Variants in AGPAT5 observed in about 807,000 individuals in gnomAD.
The protein encoded by AGPAT5 is 1-acyl-sn-glycerol-3-phosphate acyltransferase epsilon.
Under a neutral mutation model 45.6 loss-of-function variants are expected in AGPAT5, and 46 were observed. The ratio of observed to expected loss-of-function variants is 1.01; its 90% CI spans 0.80 to 1.29. The LOEUF (loss-of-function observed/expected upper bound fraction) is 1.29, where lower values mean the gene tolerates loss of function less well. Ranked by LOEUF, AGPAT5 falls within the 50% of genes most tolerant of loss-of-function variation. The probability of loss-of-function intolerance (pLI) is 0.00; values close to 1 mark genes in which losing one functional copy is unlikely to be tolerated. For synonymous variants in AGPAT5, 272 were observed against 167.0 expected (o/e 1.63, Z -4.85); for missense variants, 673 against 450.7 (o/e 1.49, Z -4.47).
In AGPAT5 at chr8:6,750,732, T is replaced by TTG. The variant is rs913296355; in HGVS notation, c.745+2905_745+2906insGT. Among the ~76,000 whole-genome samples the TTG allele has an allele frequency of 2.5e-4, 38 of 151,994 alleles. 1 individual carries two copies. Among genetic ancestry groups the TTG allele is most frequent in the African/African-American group, 9.2e-4 (38 of 41,468 alleles). ...AAAACTACAGGGGATACCTTTTTTT[T>TTG]TTTTAATCCATTAGATTGGCAAACA... On this transcript the variant is annotated intron_variant, in intron 6 of 7. Transcript: ENST00000285518.
rs747611873 is a variant in AGPAT5, at chr8:6,747,703, G to T, written c.620G>T (p.Arg207Leu). Residue 207 changes from arginine to leucine, a missense_variant, in exon 6 of 8, where the codon CGA becomes CTA. Physicochemically the swap from Arg to Leu is moderately radical, Grantham distance 102 (BLOSUM62 -2). Transcript: ENST00000285518. ...LAVLKHVLTPRIKATHVAFDC... is the reference protein window; with the variant it reads ...LAVLKHVLTPLIKATHVAFDC... ...GTATTAAAACATGTGCTAACACCAC[G>T]AATAAAGGCAACTCACGTTGCTTTT... is the stretch of plus-strand genomic sequence containing the variant. 6.2e-7 allele frequency: 1 copy of T among 1,614,136 alleles called. No homozygotes were observed. Among genetic ancestry groups the T allele is most frequent in the South Asian group, 1.1e-5 (1 of 91,068 alleles).
intron 4 of AGPAT5, among the ~76,000 whole-genome samples, chr8:6,735,129 G>T (rs1332852405): frequency 6.6e-6 from 1 of 152,140 alleles, no homozygotes; most frequent in Admixed American, 6.5e-5. Context: ...TCTGTGCCCA[G>T]TATGTATTCC....
chr8:6,741,391 A>G (rs2116926781), intron 4 of AGPAT5, among the ~76,000 whole-genome samples: 1 of 152,292 alleles, frequency 6.6e-6, no homozygotes, highest in South Asian at 2.1e-4. Flanking sequence ...GTGAATTATT[A>G]GCATATAATT....
chr8:6,723,637 C>A (rs920657639), intron 1 of AGPAT5, among the ~76,000 whole-genome samples: 1 of 152,168 alleles, frequency 6.6e-6, no homozygotes, highest in Non-Finnish European at 1.5e-5. Flanking sequence ...CTGAACAGAT[C>A]AAGCTATTGG....
intron 5 of AGPAT5, among the ~76,000 whole-genome samples, chr8:6,743,440 T>G (rs1190417900): frequency 2.0e-5 from 3 of 152,260 alleles, no homozygotes; most frequent in African/African-American, 7.2e-5. Flanking sequence ...GAATTTATCC[T>G]TCCATGCATA....
intron 4 of AGPAT5, among the ~76,000 whole-genome samples, chr8:6,738,969 G>C (rs767845401): frequency 1.3e-5 from 2 of 151,572 alleles, no homozygotes; most frequent in African/African-American, 2.4e-5. Context: ...TTTAGTTCTA[G>C]GATTTATTTA....
intron 1 of AGPAT5, 105 bp downstream of exon 1, chr8:6,708,992 G>T (rs777508811): frequency 1.7e-6 from 2 of 1,148,322 alleles, no homozygotes; most frequent in Non-Finnish European, 2.5e-6. Flanking sequence ...CCGGCCCGGC[G>T]GACCCAGCAC....
At position 6,758,330 on chromosome 8, in the gene AGPAT5, G is replaced by A. The variant is rs1196710960; in HGVS notation, c.*942G>A. The stretch of plus-strand genomic sequence containing the variant: ...ATTTACTAGCGTGTGCCTTTTGCCT[G>A]CTTCTCTTTGATTTCACAGAATATT... On this transcript the variant is annotated 3_prime_UTR_variant, in exon 8 of 8. Coordinates refer to ENST00000285518, the MANE Select transcript of AGPAT5 (RefSeq NM_018361.5). The A allele has an allele frequency of 1.3e-5, 2 of 152,642 alleles. No individual in the cohort carries two copies. Among genetic ancestry groups the A allele is most frequent in the African/African-American group, 4.8e-5 (2 of 41,446 alleles). The allele number at this position is 152,642 out of a possible 1,614,324, so 9.5% of individuals were successfully genotyped here. A position where few individuals can be genotyped will look rare whatever the true frequency, so the allele number is the denominator to read the frequency against.
chr8:6,746,091 T>G (rs1422016376), intron 5 of AGPAT5: 1 of 151,946 alleles, frequency 6.6e-6, no homozygotes, highest in Non-Finnish European at 1.5e-5. Context: ...TCTCCCTCCC[T>G]CTCTTCCTTC....
intron 1 of AGPAT5, among the ~76,000 whole-genome samples, chr8:6,722,271 T>C (rs1800527385): frequency 6.6e-6 from 1 of 152,192 alleles, no homozygotes; most frequent in African/African-American, 2.4e-5. Flanking sequence ...CAGAGAATTC[T>C]TCCTGTATCT....
chr8:6,735,096 C>T (rs1325908371), intron 4 of AGPAT5, among the ~76,000 whole-genome samples: 3 of 152,160 alleles, frequency 2.0e-5, no homozygotes, highest in South Asian at 2.1e-4. Flanking sequence ...CTTCTCTGAT[C>T]CTGCCTTGCT....
chr8:6,742,910 G>A (rs1801285621), intron 5 of AGPAT5, among the ~76,000 whole-genome samples: 1 of 152,196 alleles, frequency 6.6e-6, no homozygotes, highest in Non-Finnish European at 1.5e-5. Context: ...TAATAGACAT[G>A]ACGTTCTGTC....
chr8:6,743,924 G>T (rs534538394), intron 5 of AGPAT5, among the ~76,000 whole-genome samples: 7 of 152,126 alleles, frequency 4.6e-5, no homozygotes, highest in African/African-American at 1.7e-4. Flanking sequence ...TATTCATAGG[G>T]TGAATAACAC....
At chr8:6,740,662 A>G (rs1429034111) in intron 4 of AGPAT5, among the ~76,000 whole-genome samples, 1 of 152,060 alleles carries the variant, frequency 6.6e-6, no homozygotes, top group East Asian at 1.9e-4. Context: ...CCATTATACC[A>G]GTATCTAAAG....
rs1801928998 is a variant in AGPAT5 at position 6,758,725 on chromosome 8, TTAGCCATGGAACAATA to T, written c.*1340_*1355del. On this transcript the variant is annotated 3_prime_UTR_variant, in exon 8 of 8. Coordinates refer to ENST00000285518, the MANE Select transcript of AGPAT5 (RefSeq NM_018361.5). ...TGTTCCAGGAACCAGATCACGATTT[TTAGCCATGGAACAATA>T]TATCCCATGGGAGAAGACCTTTCAG... 1 of 152,670 alleles carries T rather than the reference TTAGCCATGGAACAATA, an allele frequency of 6.6e-6. No individual in the cohort carries two copies. Among genetic ancestry groups the T allele is most frequent in the Non-Finnish European group, 1.5e-5 (1 of 68,038 alleles). 9.5% of individuals were successfully genotyped at this position (152,670 alleles called of 1,614,324 possible).
chr8:6,760,506 C>T lies in AGPAT5; in HGVS notation c.*3118C>T, dbSNP rs746140182. Among the ~76,000 whole-genome samples the T allele has an allele frequency of 1.3e-5, 2 of 152,124 alleles. No individual in the cohort carries two copies. Among genetic ancestry groups the T allele is most frequent in the Admixed American group, 6.5e-5 (1 of 15,274 alleles). ...TGTGAAAAGAGAGAGAAATGTCTAC[C>T]AAAGCAGTATTTTGTGTGTATAATT... is the stretch of plus-strand genomic sequence containing the variant. On this transcript the variant is annotated 3_prime_UTR_variant, in exon 8 of 8. Coordinates refer to ENST00000285518, the MANE Select transcript of AGPAT5 (RefSeq NM_018361.5).
intron 2 of AGPAT5, among the ~76,000 whole-genome samples, chr8:6,725,437 T>C (rs1209995548): frequency 6.6e-6 from 1 of 152,208 alleles, no homozygotes; most frequent in Non-Finnish European, 1.5e-5. Flanking sequence ...ATCAGAGGAA[T>C]TGCAGAGAAC....
At chr8:6,709,072 A>C (rs1300893149) in intron 1 of AGPAT5, 185 bp downstream of exon 1, 7 of 705,438 alleles carry the variant, frequency 9.9e-6, no homozygotes, top group Non-Finnish European at 1.7e-5. Flanking sequence ...ATCGCTCTCT[A>C]GGAAGCTGTG....
chr8:6,752,205 T>C (rs1196803407), intron 6 of AGPAT5, among the ~76,000 whole-genome samples: 1 of 152,088 alleles, frequency 6.6e-6, no homozygotes, highest in East Asian at 1.9e-4. Context: ...AAGAGGGGAT[T>C]ACAGATAACC....
Sources: gnomAD v4.1 joint callset for allele counts (sites outside exome capture counted in the v4.1 genomes callset) on GRCh38, gnomAD v4.1.1 for gene constraint, MANE v1.5 for transcripts, NCBI Gene and HGNC (gene_info 2026-07-23, HGNC 2026-07-21) for gene names.